Variants in DMD observed in about 807,000 individuals in gnomAD.
DMD encodes the protein dystrophin.
A neutral mutation model predicts 330.1 loss-of-function variants in DMD; 63 were observed. The observed-to-expected ratio is 0.19, with a 90% CI of 0.16 to 0.24. The LOEUF is 0.24. Among genes scored for constraint, DMD ranks in the 10% least tolerant of loss-of-function variants. The pLI, the probability that DMD is intolerant of heterozygous loss-of-function variation, is 1.00. For missense variants in DMD, 3,344 were observed against 2,684.1 expected, an observed-to-expected ratio of 1.25 and a Z score of -5.43; for synonymous variants, 1,223 against 959.8, an observed-to-expected ratio of 1.27 and a Z score of -5.07.
At chrX:31,960,358 T>C (rs1333001066) in intron 45 of DMD, among the ~76,000 whole-genome samples, 1 of 110,272 alleles carries the variant, frequency 9.1e-6, no homozygotes, top group Non-Finnish European at 1.9e-5. Flanking sequence ...AGGTTTGGAG[T>C]GGGAATTGGG....
Position 32,151,297 on chromosome X carries a change from G to A in DMD, c.6438+65619C>T, listed in dbSNP as rs1052825674. 4 of 111,686 alleles carry A rather than the reference G, an allele frequency of 3.6e-5. No homozygotes were observed. In the East Asian group the frequency reaches 1.1e-3, roughly 32 times the overall value. The allele number at this position is 111,686 out of a possible 1,213,427, so 9.2% of individuals were successfully genotyped here. ...AAATTGGCTAAGAAACGGATAGGAT[G>A]ACTCCCCTTTTTCCAGGGACAAGAG... On this transcript the variant is annotated intron_variant, in intron 44 of 78. Coordinates refer to ENST00000357033, the MANE Select transcript of DMD (RefSeq NM_004006.3).
At chrX:32,079,810 G>A (rs1254023942) in intron 44 of DMD, among the ~76,000 whole-genome samples, 2 of 111,397 alleles carry the variant, frequency 1.8e-5, no homozygotes, top group Non-Finnish European at 1.9e-5. Context: ...TATCCATGTC[G>A]ATACAAATCA....
chrX:32,937,629 A>G (rs1250164832), intron 2 of DMD, among the ~76,000 whole-genome samples: 1 of 107,850 alleles, frequency 9.3e-6, no homozygotes, highest in Non-Finnish European at 1.9e-5. Flanking sequence ...CTAGACAGAG[A>G]CATTGGATGA....
At chrX:32,168,708 G>A (rs1225400265) in intron 44 of DMD, among the ~76,000 whole-genome samples, 1 of 110,830 alleles carries the variant, frequency 9.0e-6, no homozygotes. Flanking sequence ...TGCTTTTGAC[G>A]GCTAGTGAAA....
rs779847349 is a variant in DMD, at chrX:31,471,509, C to T, written c.8937+6597G>A. On this transcript the variant is annotated intron_variant, in intron 59 of 78. Coordinates refer to ENST00000357033, the MANE Select transcript of DMD (RefSeq NM_004006.3). The stretch of plus-strand genomic sequence containing the variant: ...TCTAACCAGTCCCAGTGAGATGAGC[C>T]GGGTACTGCAGTTGGAAATGCAGAA... Among the ~76,000 whole-genome samples the T allele has an allele frequency of 4.5e-5, 5 of 111,862 alleles. No homozygotes were observed. The South Asian group carries it at 1.9e-3, about 42-fold the overall frequency.
At chrX:32,402,741 T>A (rs1335415627) in intron 30 of DMD, among the ~76,000 whole-genome samples, 2 of 111,432 alleles carry the variant, frequency 1.8e-5, no homozygotes, top group Non-Finnish European at 3.8e-5. Context: ...TTTGGAAAGG[T>A]TTTCAGAGCT....
chrX:32,646,930 T>C (rs1167156757), intron 9 of DMD, among the ~76,000 whole-genome samples: 1 of 111,231 alleles, frequency 9.0e-6, no homozygotes, highest in Non-Finnish European at 1.9e-5. Context: ...GGAACCCTTG[T>C]CTAACAGTAA....
At chrX:32,213,556 T>TG (rs1436469846) in intron 44 of DMD, among the ~76,000 whole-genome samples, 4 of 112,116 alleles carry the variant, frequency 3.6e-5, no homozygotes, top group African/African-American at 1.3e-4. Flanking sequence ...CTTAACTGTT[T>TG]GGGGGGTTTG....
rs764846703 is a variant in DMD at position 32,390,185 on chromosome X, T to C, written c.4234-4A>G. On this transcript the variant is annotated splice_region_variant and splice_polypyrimidine_tract_variant and intron_variant, in intron 30 of 78. Coordinates refer to ENST00000357033, the MANE Select transcript of DMD (RefSeq NM_004006.3). ...TTGTCAAATCAGATTGGATTTTCTG[T>C]TGGGAGGATAGCATTATTAGTCAGC... 2.1e-5 allele frequency: 24 copies of C among 1,159,021 alleles called. No individual in the cohort carries two copies. Among genetic ancestry groups the C allele is most frequent in the South Asian group, 3.6e-5 (2 of 55,569 alleles).
At chrX:31,662,807 A>AATCAAGC (rs1352046018) in intron 53 of DMD, among the ~76,000 whole-genome samples, 1 of 112,026 alleles carries the variant, frequency 8.9e-6, no homozygotes, top group Non-Finnish European at 1.9e-5. Context: ...GAAGTGTCAA[A>AATCAAGC]ATCAAGCAAT....
chrX:32,725,368 A>T lies in DMD; in HGVS notation c.650-26075T>A, dbSNP rs974281664. ...TATATGCATGCATGTGTTTATATACATGCTATGATTCTACAAAATACTTGA... is the reference window on the plus strand; with the variant it reads ...TATATGCATGCATGTGTTTATATACTTGCTATGATTCTACAAAATACTTGA... On this transcript the variant is annotated intron_variant, in intron 7 of 78. Transcript: ENST00000357033. Among the ~76,000 whole-genome samples, 6 of 111,059 alleles carry T rather than the reference A, an allele frequency of 5.4e-5. No homozygotes were observed. In the Admixed American group the frequency reaches 5.8e-4, roughly 11 times the overall value.
chrX:32,831,651 TGTGTGTGTGTGTGTGTGTG>T (rs2079158753), intron 4 of DMD, among the ~76,000 whole-genome samples: 1 of 6,725 alleles, frequency 1.5e-4, no homozygotes. Flanking sequence ...GATATTTACG[TGTGTGTGTGTGTGTGTGTG>T]TGTGTGTGTG....
chrX:33,041,273 A>T (rs1221967895), intron 1 of DMD: 2 of 652,189 alleles, frequency 3.1e-6, no homozygotes, highest in Non-Finnish European at 4.8e-6. Flanking sequence ...AAACTCCTTA[A>T]GTGGCCGCGC....
At chrX:31,822,653 G>GGTGGGTGTGTGT (rs1556919108) in intron 49 of DMD, among the ~76,000 whole-genome samples, 11 of 65,806 alleles carry the variant, frequency 1.7e-4, no homozygotes, top group Non-Finnish European at 2.9e-4. Context: ...AAGGCAGAGG[G>GGTGGGTGTGTGT]GTGTGTGTGT....
At chrX:32,707,980 T>A (rs1368226551) in intron 7 of DMD, among the ~76,000 whole-genome samples, 1 of 112,102 alleles carries the variant, frequency 8.9e-6, no homozygotes, top group African/African-American at 3.2e-5. Flanking sequence ...CCAAATTGAC[T>A]TTTTCTTTCC....
At chrX:31,456,876 G>GTGTATATA (rs752346201) in intron 59 of DMD, among the ~76,000 whole-genome samples, 1 of 68,727 alleles carries the variant, frequency 1.5e-5, no homozygotes, top group East Asian at 4.4e-4. Flanking sequence ...GTGTGTGTGT[G>GTGTATATA]TATATATATA....
At position 32,970,320 on chromosome X, in the gene DMD, T is replaced by C. The variant is rs1008379441; in HGVS notation, c.93+49819A>G. On this transcript the variant is annotated intron_variant, in intron 2 of 78. Coordinates refer to ENST00000357033, the MANE Select transcript of DMD (RefSeq NM_004006.3). Reference sequence around the variant, plus strand: ...TTTAAAAATAACTAAAAGAGTGTAATTGGATTGCTTGTAACATGAAGGATA... The same window carrying C: ...TTTAAAAATAACTAAAAGAGTGTAACTGGATTGCTTGTAACATGAAGGATA... 1.5e-4 allele frequency among the ~76,000 whole-genome samples: 14 copies of C among 94,450 alleles called. 4 individuals are homozygous for C. The highest frequency in any genetic ancestry group is 6.7e-4 in the African/African-American group (14 of 20,881). 82.0% of individuals were successfully genotyped at this position (94,450 alleles called of 115,157 possible). A position where few individuals can be genotyped will look rare whatever the true frequency, so the allele number is the denominator to read the frequency against.
chrX:32,422,523 G>A (rs747845238), intron 29 of DMD, among the ~76,000 whole-genome samples: 4 of 111,552 alleles, frequency 3.6e-5, no homozygotes, highest in African/African-American at 9.7e-5. Flanking sequence ...AAAAAAGAGC[G>A]AACAGTAGAG....
At chrX:31,640,921 T>C (rs2079699472) in intron 54 of DMD, among the ~76,000 whole-genome samples, 1 of 111,974 alleles carries the variant, frequency 8.9e-6, no homozygotes, top group Non-Finnish European at 1.9e-5. Flanking sequence ...GATAACAGTG[T>C]CCTTATGCGC....
Sources: gnomAD v4.1 joint callset for allele counts (sites outside exome capture counted in the v4.1 genomes callset) on GRCh38, gnomAD v4.1.1 for gene constraint, MANE v1.5 for transcripts, NCBI Gene and HGNC (gene_info 2026-07-23, HGNC 2026-07-21) for gene names.